Variants in PRMT8 observed in about 807,000 individuals in gnomAD.
PRMT8 encodes the protein protein arginine methyltransferase 8.
In PRMT8, 7 loss-of-function variants were observed where a neutral mutation model predicts 47.1. The observed-to-expected ratio is 0.15, with a 90% CI of 0.08 to 0.28. PRMT8 has a LOEUF of 0.28. Ranked by LOEUF, PRMT8 falls within the 10% of genes least tolerant of loss-of-function variation. The pLI, the probability that PRMT8 is intolerant of heterozygous loss-of-function variation, is 1.00. For missense variants in PRMT8, 237 were observed against 505.4 expected (o/e 0.47, Z 5.09); for synonymous variants, 188 against 186.5 (o/e 1.01, Z -0.07).
chr12:3,516,632 A>AT (rs1865795520), intron 1 of PRMT8, among the ~76,000 whole-genome samples: 1 of 152,198 alleles, frequency 6.6e-6, no homozygotes. Context: ...AAAAGGTGAC[A>AT]TTTGAATAAA....
intron 1 of PRMT8, among the ~76,000 whole-genome samples, chr12:3,539,740 A>G (rs1019503479): frequency 6.6e-6 from 1 of 152,216 alleles, no homozygotes; most frequent in Non-Finnish European, 1.5e-5. Flanking sequence ...GATGGGCAGC[A>G]GCAGTGGGTG....
At chr12:3,497,318 C>T (rs796093036) in intron 1 of PRMT8, among the ~76,000 whole-genome samples, 2 of 152,164 alleles carry the variant, frequency 1.3e-5, no homozygotes, top group South Asian at 2.1e-4. Context: ...TCCCTGAGAA[C>T]CACCTAACCG....
At chr12:3,592,083 A>C in intron 8 of PRMT8, 148 bp from the exon 9 acceptor site, 1 of 877,084 alleles carries the variant, frequency 1.1e-6, no homozygotes. Context: ...AGGACTATGC[A>C]CCTGACCCAA....
rs544485772 is a variant in PRMT8, at chr12:3,508,394, T to C, written c.75+16694T>C. On this transcript the variant is annotated intron_variant, in intron 1 of 9. Coordinates refer to ENST00000382622, the MANE Select transcript of PRMT8 (RefSeq NM_019854.5). This position sits in a 1 kb window ranked among gnomAD's most constrained non-coding sequence, Gnocchi z 4.9. ...TTTGTAGTTCATAATATGTGAGACA[T>C]GAGGTACAAGTTTAATTACCGGCCT... Among the ~76,000 whole-genome samples, 1 of 152,260 alleles carries C rather than the reference T, an allele frequency of 6.6e-6. No homozygotes were observed. Among genetic ancestry groups the C allele is most frequent in the South Asian group, 2.1e-4 (1 of 4,828 alleles).
chr12:3,422,451 G>C (rs1376024631), intron 1 of PRMT8, among the ~76,000 whole-genome samples: 1 of 152,202 alleles, frequency 6.6e-6, no homozygotes, highest in Non-Finnish European at 1.5e-5. Context: ...AGCTGGGAGT[G>C]TTGGCAGACT....
At chr12:3,558,764 C>T (rs1565441319) in intron 4 of PRMT8, among the ~76,000 whole-genome samples, 1 of 152,148 alleles carries the variant, frequency 6.6e-6, no homozygotes, top group Non-Finnish European at 1.5e-5. Context: ...GTTCTCATTG[C>T]GTACAATTTC....
chr12:3,511,856 T>G (rs1334480262), intron 1 of PRMT8, among the ~76,000 whole-genome samples: 1 of 152,234 alleles, frequency 6.6e-6, no homozygotes, highest in Admixed American at 6.5e-5. Flanking sequence ...ATTAAAGCCA[T>G]CCTTCTTTGG....
At chr12:3,444,533 A>G (rs1230580243) in intron 1 of PRMT8, among the ~76,000 whole-genome samples, 1 of 152,196 alleles carries the variant, frequency 6.6e-6, no homozygotes, top group Admixed American at 6.5e-5. Flanking sequence ...TGTTTCTTCT[A>G]GGCATGTTTT....
rs567540326 is a variant in PRMT8 at position 3,495,110 on chromosome 12, T to C, written c.75+3410T>C. Among the ~76,000 whole-genome samples the C allele has an allele frequency of 5.9e-4, 90 of 152,298 alleles. 2 individuals carry two copies. In the South Asian group the frequency reaches 0.016, roughly 28 times the overall value. On this transcript the variant is annotated intron_variant, in intron 1 of 9. Coordinates refer to ENST00000382622, the MANE Select transcript of PRMT8 (RefSeq NM_019854.5). ...TGCAAAGCCTCCAGTCCCACTCTCCTCTTCAGCCCATTGTCAGTGCCCAAG... is the reference window on the plus strand; with the variant it reads ...TGCAAAGCCTCCAGTCCCACTCTCCCCTTCAGCCCATTGTCAGTGCCCAAG...
intron 1 of PRMT8, among the ~76,000 whole-genome samples, chr12:3,465,895 C>T (rs897782880): frequency 4.6e-5 from 7 of 152,192 alleles, no homozygotes; most frequent in South Asian, 2.1e-4. Flanking sequence ...TCTCTGTAGC[C>T]GGGATAGCTT....
chr12:3,507,980 G>A (rs962876745), intron 1 of PRMT8, among the ~76,000 whole-genome samples: 1 of 152,104 alleles, frequency 6.6e-6, no homozygotes, highest in Non-Finnish European at 1.5e-5. Flanking sequence ...CCAGTATGGT[G>A]TAGGGGAGAG....
chr12:3,540,704 G>A lies in PRMT8; in HGVS notation c.174G>A (p.Arg58=). ...CCACTCAACCCAGCTGCCCAGGACG[G>A]GGCAAGATGTCCAAGCTGCTGAACC... The part of the protein sequence containing the change: ...HVSTQPSCPG[R]GKMSKLLNPE... The change falls in exon 2 of 10, where the codon CGG becomes CGA. Residue 58 remains arginine (R), a synonymous_variant. Transcript: ENST00000382622. 1 of 1,609,976 alleles carries A rather than the reference G, an allele frequency of 6.2e-7. No homozygotes were observed. The highest frequency in any genetic ancestry group is 2.2e-5 in the East Asian group (1 of 44,650).
chr12:3,411,666 G>C (rs1864432248), intron 1 of PRMT8, among the ~76,000 whole-genome samples: 1 of 152,192 alleles, frequency 6.6e-6, no homozygotes, highest in African/African-American at 2.4e-5. Context: ...GCCATTGGGA[G>C]ATAACTAGAA....
chr12:3,494,172 T>G (rs1865469023), intron 1 of PRMT8, among the ~76,000 whole-genome samples: 1 of 152,136 alleles, frequency 6.6e-6, no homozygotes, highest in Admixed American at 6.5e-5. Context: ...TCCACACCTC[T>G]TTGTCAAGCA....
At chr12:3,437,469 G>A (rs989739760) in intron 1 of PRMT8, among the ~76,000 whole-genome samples, 10 of 151,818 alleles carry the variant, frequency 6.6e-5, no homozygotes, top group Admixed American at 2.0e-4. Context: ...TATCCCCCGG[G>A]TAAAAAGCAT....
intron 8 of PRMT8, among the ~76,000 whole-genome samples, chr12:3,584,105 T>G (rs1867123094): frequency 6.6e-6 from 1 of 152,202 alleles, no homozygotes; most frequent in Admixed American, 6.5e-5. Context: ...CACATGCAGT[T>G]CTGGAGGCTG....
At chr12:3,532,347 T>C (rs946304027) in intron 1 of PRMT8, among the ~76,000 whole-genome samples, 12 of 149,696 alleles carry the variant, frequency 8.0e-5, no homozygotes, top group Admixed American at 2.7e-4. Flanking sequence ...AAGAATTCTC[T>C]TTATGTAATC....
intron 1 of PRMT8, among the ~76,000 whole-genome samples, chr12:3,524,724 G>A (rs1260492304): frequency 1.3e-5 from 2 of 151,334 alleles, no homozygotes; most frequent in African/African-American, 2.4e-5. Flanking sequence ...GACCCCATGT[G>A]TCCAGTCTAT....
At chr12:3,548,612 C>T (rs1866366483) in intron 2 of PRMT8, among the ~76,000 whole-genome samples, 1 of 152,150 alleles carries the variant, frequency 6.6e-6, no homozygotes, top group Admixed American at 6.5e-5. Context: ...CAGGGAAATA[C>T]AATTAAAACT....
Sources: allele counts gnomAD v4.1 joint callset (sites outside exome capture counted in the v4.1 genomes callset), GRCh38; gene constraint gnomAD v4.1.1; non-coding constraint Gnocchi (gnomAD v3.1); transcripts MANE v1.5; gene names NCBI Gene and HGNC (gene_info 2026-07-23, HGNC 2026-07-21).